Variants in DHRSX observed in about 807,000 individuals in gnomAD.
DHRSX encodes the protein dehydrogenase/reductase X-linked, also known as polyprenol dehydrogenase.
Under a neutral mutation model 34.0 loss-of-function variants are expected in DHRSX, and 31 were observed. That is an observed-to-expected ratio of 0.91 (90% CI 0.69 to 1.23). The LOEUF (loss-of-function observed/expected upper bound fraction) is 1.23. DHRSX is among the 50% of genes most tolerant of loss of function. The pLI, the probability that DHRSX is intolerant of heterozygous loss-of-function variation, is 0.00. For missense variants in DHRSX, 414 were observed against 428.1 expected (o/e 0.97, Z 0.29); for synonymous variants, 201 against 183.8 (o/e 1.09, Z -0.76).
chrX:2,339,909 G>T (rs1249698649), intron 3 of DHRSX, among the ~76,000 whole-genome samples: 14 of 152,030 alleles, frequency 9.2e-5, no homozygotes, highest in Admixed American at 8.6e-4. Flanking sequence ...GGGTCAAATG[G>T]TATTTCTGGT....
intron 1 of DHRSX, among the ~76,000 whole-genome samples, chrX:2,458,007 C>T (rs1365487693): frequency 6.6e-6 from 1 of 152,000 alleles, no homozygotes; most frequent in Non-Finnish European, 1.5e-5. Context: ...TGAAGACGTT[C>T]CCTAAGAATG....
At chrX:2,371,482 T>A (rs2043066308) in intron 3 of DHRSX, among the ~76,000 whole-genome samples, 1 of 136,248 alleles carries the variant, frequency 7.3e-6, no homozygotes. Flanking sequence ...TAGACCCTCC[T>A]CCTCCCGTTA....
chrX:2,225,249 ACACT>A (rs763383265), intron 6 of DHRSX, among the ~76,000 whole-genome samples: 181 of 150,596 alleles, frequency 1.2e-3, no homozygotes, highest in African/African-American at 3.9e-3. Context: ...ACACATGCTC[ACACT>A]CATTCACATG....
chrX:2,238,638 C>A (rs2016071040), intron 6 of DHRSX, among the ~76,000 whole-genome samples: 1 of 150,652 alleles, frequency 6.6e-6, no homozygotes, highest in Non-Finnish European at 1.5e-5. Context: ...GGCTGGAGTG[C>A]AATGGCGCCA....
rs1357827255 is a variant in DHRSX at position 2,248,613 on chromosome X, C to CAAA, written c.597-5386_597-5384dup. Among the ~76,000 whole-genome samples the CAAA allele has an allele frequency of 3.7e-3, 65 of 17,504 alleles. 1 individual carries two copies. Among genetic ancestry groups the CAAA allele is most frequent in the African/African-American group, 6.8e-3 (49 of 7,202 alleles). 11.5% of individuals were successfully genotyped at this position (17,504 alleles called of 152,430 possible). On this transcript the variant is annotated intron_variant, in intron 5 of 6. Coordinates refer to ENST00000334651, the MANE Select transcript of DHRSX (RefSeq NM_145177.3). ...GGGCGACAAGAGCAAGACTCTGTCTCAAAAAAAAAAAAAGAAAAAGAAAAG... is the reference window on the plus strand; with the variant it reads ...GGGCGACAAGAGCAAGACTCTGTCTCAAAAAAAAAAAAAAAAGAAAAAGAAAAG...
rs372864757 is a variant in DHRSX at position 2,277,077 on chromosome X, GAA to G, written c.389-10132_389-10131del. Among the ~76,000 whole-genome samples the G allele has an allele frequency of 0.012, 861 of 69,694 alleles. 8 individuals carry two copies. In the East Asian group the frequency reaches 0.18, roughly 14 times the overall value. The allele number at this position is 69,694 out of a possible 152,430, so 45.7% of individuals were successfully genotyped here. A position where few individuals can be genotyped will look rare whatever the true frequency, so the allele number is the denominator to read the frequency against. On this transcript the variant is annotated intron_variant, in intron 4 of 6. Coordinates refer to ENST00000334651, the MANE Select transcript of DHRSX (RefSeq NM_145177.3). ...GAGGGAGGAAATAGGGGGAAAGAGA[GAA>G]AGAGAGATGGAGAGGGAACAGGGAG...
intron 1 of DHRSX, among the ~76,000 whole-genome samples, chrX:2,448,446 G>A (rs998969169): frequency 1.3e-5 from 2 of 151,904 alleles, no homozygotes; most frequent in African/African-American, 4.8e-5. Flanking sequence ...CTTTCAAAAT[G>A]ACTAAAAGTA....
intron 5 of DHRSX, among the ~76,000 whole-genome samples, chrX:2,243,554 T>C (rs1413205600): frequency 6.6e-6 from 1 of 151,980 alleles, no homozygotes; most frequent in Non-Finnish European, 1.5e-5. Context: ...TGGTGCAATC[T>C]TGGCTCACTG....
chrX:2,264,589 A>G (rs1163696058), intron 5 of DHRSX, among the ~76,000 whole-genome samples: 1 of 149,858 alleles, frequency 6.7e-6, no homozygotes, highest in Non-Finnish European at 1.5e-5. Flanking sequence ...CACCAGATGC[A>G]GGGAGCACTG....
At chrX:2,494,129 T>C (rs2045226413) in intron 1 of DHRSX, among the ~76,000 whole-genome samples, 1 of 151,504 alleles carries the variant, frequency 6.6e-6, no homozygotes, top group Non-Finnish European at 1.5e-5. Context: ...CCATATTCTA[T>C]TATTATTATT....
chrX:2,325,965 A>G (rs1372613353), intron 3 of DHRSX, among the ~76,000 whole-genome samples: 2 of 152,186 alleles, frequency 1.3e-5, no homozygotes, highest in Admixed American at 6.6e-5. Flanking sequence ...CAACGTAGCC[A>G]CTTCACTAAC....
At chrX:2,404,953 T>C (rs2043533448) in intron 3 of DHRSX, among the ~76,000 whole-genome samples, 2 of 152,232 alleles carry the variant, frequency 1.3e-5, no homozygotes, top group Non-Finnish European at 2.9e-5. Flanking sequence ...GCCAGGCTGC[T>C]GCCACTCTGT....
intron 5 of DHRSX, among the ~76,000 whole-genome samples, chrX:2,246,768 G>A: frequency 6.9e-6 from 1 of 144,914 alleles, no homozygotes; most frequent in South Asian, 2.2e-4. Flanking sequence ...GAAAATAAAA[G>A]AATAGAAAAT....
intron 5 of DHRSX, among the ~76,000 whole-genome samples, chrX:2,249,095 T>C (rs1183653767): frequency 6.6e-6 from 1 of 151,966 alleles, no homozygotes; most frequent in Non-Finnish European, 1.5e-5. Flanking sequence ...TGGGGAAAAC[T>C]GGCCAGACAA....
chrX:2,403,540 C>T (rs1447973632), intron 3 of DHRSX, among the ~76,000 whole-genome samples: 2 of 152,138 alleles, frequency 1.3e-5, no homozygotes, highest in African/African-American at 2.4e-5. Flanking sequence ...CCTACACAAA[C>T]TTTTCCAAGA....
At chrX:2,465,171 A>C (rs2044473522) in intron 1 of DHRSX, among the ~76,000 whole-genome samples, 1 of 152,168 alleles carries the variant, frequency 6.6e-6, no homozygotes, top group African/African-American at 2.4e-5. Context: ...AACAAACTGA[A>C]GACGTTCCCT....
intron 3 of DHRSX, 126 bp from the exon 4 acceptor site, chrX:2,291,729 T>G: frequency 1.4e-6 from 1 of 717,466 alleles, no homozygotes; most frequent in Non-Finnish European, 2.5e-6. Context: ...TTCTGCTCTT[T>G]TTGAGATGGA....
intron 4 of DHRSX, among the ~76,000 whole-genome samples, chrX:2,283,224 C>T (rs1049568968): frequency 1.3e-5 from 2 of 151,952 alleles, no homozygotes; most frequent in African/African-American, 4.8e-5. Flanking sequence ...CAGGGAACAG[C>T]CTGCCGCAGA....
At chrX:2,349,401 T>C (rs994981268) in intron 3 of DHRSX, among the ~76,000 whole-genome samples, 4 of 151,092 alleles carry the variant, frequency 2.6e-5, no homozygotes, top group Admixed American at 6.6e-5. Flanking sequence ...CAAAAGAAGG[T>C]AGTTGGGCCA....
Sources: allele counts gnomAD v4.1 joint callset (sites outside exome capture counted in the v4.1 genomes callset), GRCh38; gene constraint gnomAD v4.1.1; transcripts MANE v1.5; gene names NCBI Gene and HGNC (gene_info 2026-07-23, HGNC 2026-07-21).